Variants in ACKR4 observed in about 807,000 individuals in gnomAD.
The protein encoded by ACKR4 is C-C CKR-11.
ACKR4 carries 2 observed loss-of-function variants against 8.5 expected under a neutral mutation model. The ratio of observed to expected loss-of-function variants is 0.23; its 90% CI spans 0.10 to 0.74. The LOEUF (loss-of-function observed/expected upper bound fraction) is 0.74, where lower values mean the gene tolerates loss of function less well. ACKR4 is among the 30% of genes least tolerant of loss of function. The pLI, the probability that ACKR4 is intolerant of heterozygous loss-of-function variation, is 0.75. For missense variants in ACKR4, 167 were observed against 422.1 expected (o/e 0.40, Z 5.30); for synonymous variants, 67 against 145.0 (o/e 0.46, Z 3.86).
At position 132,601,907 on chromosome 3, in the gene ACKR4, C is replaced by T. The variant is rs1938621522; in HGVS notation, c.*457C>T. 1.0e-5 allele frequency: 2 copies of T among 190,722 alleles called. No homozygotes were observed. Among genetic ancestry groups the T allele is most frequent in the Admixed American group, 5.5e-5 (1 of 18,184 alleles). 11.8% of individuals were successfully genotyped at this position (190,722 alleles called of 1,614,324 possible). On this transcript the variant is annotated 3_prime_UTR_variant, in exon 2 of 2. Transcript: ENST00000249887. ...GAAGGGTACCCAGGACCACTCTGTA[C>T]CATCTTTGTAACTTCCTGTGAATTT...
At chr3:132,598,219 T>A (rs987948029) in intron 1 of ACKR4, among the ~76,000 whole-genome samples, 1 of 152,190 alleles carries the variant, frequency 6.6e-6, no homozygotes. Flanking sequence ...TTCAGCACTA[T>A]AATAAAAACA....
rs1938581061 is a variant in ACKR4 at position 132,601,264 on chromosome 3, A to C, written c.867A>C (p.Glu289Asp). 3.1e-6 allele frequency: 5 copies of C among 1,613,984 alleles called. No individual in the cohort carries two copies. In the East Asian group the frequency reaches 1.1e-4, roughly 36 times the overall value. Reference sequence around the variant, plus strand: ...TGGACATCGCCATCCAAGTCACAGAAAGCATCGCACTCTTTCACAGCTGCC... The same window carrying C: ...TGGACATCGCCATCCAAGTCACAGACAGCATCGCACTCTTTCACAGCTGCC... ...KRMDIAIQVT[E>D]SIALFHSCLN... Residue 289 changes from glutamate (E) to aspartate (D), a missense_variant, in exon 2 of 2, where the codon GAA (glutamate) becomes GAC (aspartate). Glu to Asp is a conservative substitution (Grantham distance 45). Transcript: ENST00000249887.
Position 132,602,425 on chromosome 3 carries a change from AC to A in ACKR4, c.*976del, listed in dbSNP as rs1417814636. On this transcript the variant is annotated 3_prime_UTR_variant, in exon 2 of 2. Transcript: ENST00000249887. ...ATTCATCTGTTTATACAAGTCTACCACTGCCGATTGACTAAAAAATACATTA... is the reference window on the plus strand; with the variant it reads ...ATTCATCTGTTTATACAAGTCTACCATGCCGATTGACTAAAAAATACATTA... 3.3e-5 allele frequency among the ~76,000 whole-genome samples: 5 copies of A among 152,148 alleles called. No individual in the cohort carries two copies. The highest frequency in any genetic ancestry group is 7.4e-5 in the Non-Finnish European group (5 of 68,020).
intron 1 of ACKR4, among the ~76,000 whole-genome samples, chr3:132,599,358 T>G (rs1218652882): frequency 6.6e-6 from 1 of 151,536 alleles, no homozygotes; most frequent in Admixed American, 6.6e-5. Context: ...ATAGAAAAAA[T>G]TAGCCAGGCA....
chr3:132,597,677 G>A (rs775384273), intron 1 of ACKR4, among the ~76,000 whole-genome samples: 64 of 151,538 alleles, frequency 4.2e-4, no homozygotes, highest in Non-Finnish European at 7.1e-4. Flanking sequence ...TATATCTGCC[G>A]GAAGGATCAT....
At chr3:132,598,831 G>A (rs547315072) in intron 1 of ACKR4, among the ~76,000 whole-genome samples, 1 of 152,330 alleles carries the variant, frequency 6.6e-6, no homozygotes, top group East Asian at 1.9e-4. Context: ...ATTATGAAGG[G>A]AGCCTTGGGT....
At chr3:132,600,254 A>G (rs1002305250) in intron 1 of ACKR4, 135 bp from the exon 2 acceptor site, 2 of 713,292 alleles carry the variant, frequency 2.8e-6, no homozygotes, top group African/African-American at 3.6e-5. Flanking sequence ...CATTTCAAAG[A>G]GTGCTAGATT....
In ACKR4 at chr3:132,602,210, T is replaced by A. The variant is rs959382680; in HGVS notation, c.*760T>A. 1.2e-5 allele frequency: 2 copies of A among 166,886 alleles called. No homozygotes were observed. The highest frequency in any genetic ancestry group is 2.9e-5 in the Non-Finnish European group (2 of 68,068). 10.3% of individuals were successfully genotyped at this position (166,886 alleles called of 1,614,324 possible). ...AAAGCAATAAAAAAAAAACAAACTA[T>A]AATAAGCTTTTCTGATTCTTTTCAA... On this transcript the variant is annotated 3_prime_UTR_variant, in exon 2 of 2. Coordinates refer to ENST00000249887, the MANE Select transcript of ACKR4 (RefSeq NM_016557.4).
intron 1 of ACKR4, among the ~76,000 whole-genome samples, 154 bp downstream of exon 1, chr3:132,597,477 C>T (rs913994755): frequency 6.7e-6 from 1 of 150,204 alleles, no homozygotes; most frequent in Non-Finnish European, 1.5e-5. Flanking sequence ...AATAGCTGTA[C>T]AGTTTAACCT....
chr3:132,602,260 A>G lies in ACKR4; in HGVS notation c.*810A>G, dbSNP rs909859308. 2 of 166,936 alleles carry G rather than the reference A, an allele frequency of 1.2e-5. No individual in the cohort carries two copies. The highest frequency in any genetic ancestry group is 4.8e-5 in the African/African-American group (2 of 41,446). The allele number at this position is 166,936 out of a possible 1,614,324, so 10.3% of individuals were successfully genotyped here. ...AAACATTCCTGGTAAGTTCCTAAAGACATAATTTGCTTCTATGATGTCAAC... is the reference window on the plus strand; with the variant it reads ...AAACATTCCTGGTAAGTTCCTAAAGGCATAATTTGCTTCTATGATGTCAAC... On this transcript the variant is annotated 3_prime_UTR_variant, in exon 2 of 2. Coordinates refer to ENST00000249887, the MANE Select transcript of ACKR4 (RefSeq NM_016557.4).
intron 1 of ACKR4, among the ~76,000 whole-genome samples, chr3:132,599,158 CAA>C (rs968034661): frequency 6.6e-6 from 1 of 151,598 alleles, no homozygotes; most frequent in African/African-American, 2.4e-5. Context: ...ATCAAAAATA[CAA>C]AAAGTTATAC....
chr3:132,598,773 T>C (rs1938427134), intron 1 of ACKR4, among the ~76,000 whole-genome samples: 1 of 152,152 alleles, frequency 6.6e-6, no homozygotes, highest in Admixed American at 6.5e-5. Flanking sequence ...CTGTCTCTAG[T>C]GTGGACACAG....
intron 1 of ACKR4, among the ~76,000 whole-genome samples, chr3:132,598,633 A>T (rs1452915468): frequency 1.3e-5 from 2 of 152,192 alleles, no homozygotes; most frequent in Non-Finnish European, 2.9e-5. Context: ...GCGTTTATTG[A>T]GTAGGAATTG....
intron 1 of ACKR4, 38 bp downstream of exon 1, chr3:132,597,361 A>T (rs1576573984): frequency 6.6e-6 from 1 of 151,230 alleles, no homozygotes; most frequent in East Asian, 2.0e-4. Flanking sequence ...TGACTTGAAT[A>T]TTTTTTTAAG....
intron 1 of ACKR4, among the ~76,000 whole-genome samples, chr3:132,598,493 T>C (rs554561280): frequency 1.3e-5 from 2 of 152,332 alleles, no homozygotes; most frequent in East Asian, 3.9e-4. Context: ...GGTCATGCTT[T>C]GAGGAACTTA....
At position 132,602,384 on chromosome 3, in the gene ACKR4, C is replaced by T. The variant is rs1938647067; in HGVS notation, c.*934C>T. Among the ~76,000 whole-genome samples, 1 of 152,092 alleles carries T rather than the reference C, an allele frequency of 6.6e-6. No homozygotes were observed. Among genetic ancestry groups the T allele is most frequent in the Admixed American group, 6.6e-5 (1 of 15,264 alleles). On this transcript the variant is annotated 3_prime_UTR_variant, in exon 2 of 2. Coordinates refer to ENST00000249887, the MANE Select transcript of ACKR4 (RefSeq NM_016557.4). Reference sequence around the variant, plus strand: ...ATCATTTTCATCTGGGTTCCAATTTCTTAACTTCCTAAAGAATTCATCTGT... The same window carrying T: ...ATCATTTTCATCTGGGTTCCAATTTTTTAACTTCCTAAAGAATTCATCTGT...
Position 132,599,505 on chromosome 3 carries a change from C to CA in ACKR4, c.-9-874dup, listed in dbSNP as rs549838482. Among the ~76,000 whole-genome samples the CA allele has an allele frequency of 6.8e-3, 967 of 142,328 alleles. 7 individuals carry two copies. Among genetic ancestry groups the CA allele is most frequent in the African/African-American group, 0.024 (917 of 38,734 alleles). The allele number at this position is 142,328 out of a possible 152,430, so 93.4% of individuals were successfully genotyped here. A position where few individuals can be genotyped will look rare whatever the true frequency, so the allele number is the denominator to read the frequency against. ...TGGGCAACAGAATGAGACTCCATCT[C>CA]AAAAAAAAAATTAAATATTAAATAT... On this transcript the variant is annotated intron_variant, in intron 1 of 1. Coordinates refer to ENST00000249887, the MANE Select transcript of ACKR4 (RefSeq NM_016557.4).
intron 1 of ACKR4, 112 bp from the exon 2 acceptor site, chr3:132,600,277 T>C: frequency 1.1e-6 from 1 of 898,384 alleles, no homozygotes; most frequent in Non-Finnish European, 1.7e-6. Flanking sequence ...GGCTCACATA[T>C]GTTACAGCAA....
intron 1 of ACKR4, among the ~76,000 whole-genome samples, chr3:132,597,655 A>G (rs1195230432): frequency 6.6e-6 from 1 of 152,050 alleles, no homozygotes; most frequent in Non-Finnish European, 1.5e-5. Flanking sequence ...AAGACACTTA[A>G]AAGCGTGTCT....
Sources: allele counts gnomAD v4.1 joint callset (sites outside exome capture counted in the v4.1 genomes callset), GRCh38; gene constraint gnomAD v4.1.1; transcripts MANE v1.5; gene names NCBI Gene and HGNC (gene_info 2026-07-23, HGNC 2026-07-21).